The following SHOX variants were observed in gnomAD, a reference collection of about 807,000 sequenced individuals.
SHOX encodes SHOX homeobox.
In SHOX, 12 loss-of-function variants were observed where a neutral mutation model predicts 29.6. That is an observed-to-expected ratio of 0.41 (90% CI 0.26 to 0.66). SHOX has a LOEUF of 0.66. Among genes scored for constraint, SHOX ranks in the 30% least tolerant of loss-of-function variants. The pLI is 0.35. For synonymous variants in SHOX, 214 were observed against 200.6 expected (o/e 1.07, Z -0.57); for missense variants, 499 against 437.7 (o/e 1.14, Z -1.25).
downstream of SHOX, among the ~76,000 whole-genome samples, chrX:655,174 C>G (rs2053119767): frequency 6.6e-6 from 1 of 151,734 alleles, no homozygotes; most frequent in East Asian, 2.0e-4. Context: ...GTGGTGCCAT[C>G]TCAGCTCACT....
At chrX:629,634 C>G (rs2052612931), upstream of SHOX, among the ~76,000 whole-genome samples, 1 of 152,144 alleles carries the variant, frequency 6.6e-6, no homozygotes, top group South Asian at 2.1e-4. Flanking sequence ...TCATGTCCCC[C>G]CACTGCTGTG....
At chrX:655,107 G>A (rs1001427433), downstream of SHOX, among the ~76,000 whole-genome samples, 1 of 151,538 alleles carries the variant, frequency 6.6e-6, no homozygotes, top group African/African-American at 2.4e-5. Context: ...AATACAGGCA[G>A]AAACTTTTTT....
chrX:655,637 T>C (rs1168905747), downstream of SHOX, among the ~76,000 whole-genome samples: 3 of 106,332 alleles, frequency 2.8e-5, no homozygotes, highest in East Asian at 5.4e-4. Flanking sequence ...TATATATATA[T>C]ATATATATAT....
chrX:629,443 C>T (rs190374526), upstream of SHOX, among the ~76,000 whole-genome samples: 2 of 151,700 alleles, frequency 1.3e-5, no homozygotes, highest in East Asian at 3.9e-4. Context: ...TTCTCTGTCT[C>T]CATCCCTCTG....
At chrX:642,499 G>T (rs1224253176) in intron 4 of SHOX, among the ~76,000 whole-genome samples, 1 of 152,194 alleles carries the variant, frequency 6.6e-6, no homozygotes, top group Non-Finnish European at 1.5e-5. Context: ...AGCGCTGGTC[G>T]CCGCTAGCTC....
upstream of SHOX, among the ~76,000 whole-genome samples, chrX:629,622 A>C (rs1322119925): frequency 6.6e-6 from 1 of 151,424 alleles, no homozygotes; most frequent in Non-Finnish European, 1.5e-5. Context: ...ACCCACCGTC[A>C]CTCATGTCCC....
intron 2 of SHOX, among the ~76,000 whole-genome samples, chrX:636,970 A>ATATATATATATTT (rs1458275715): frequency 1.5e-5 from 2 of 137,328 alleles, no homozygotes; most frequent in Admixed American, 7.6e-5. Flanking sequence ...ATATATATAT[A>ATATATATATATTT]TTTTGGCTCC....
chrX:636,947 A>AAT lies in SHOX; in HGVS notation c.486+2144_486+2145dup, dbSNP rs909293156. On this transcript the variant is annotated intron_variant, in intron 2 of 4. Transcript: ENST00000686671. Reference sequence around the variant, plus strand: ...GGTTTTACGAGCTCTTTCATTTAAAAATATATATATATATATATATATATT... The same window carrying AAT: ...GGTTTTACGAGCTCTTTCATTTAAAAATATATATATATATATATATATATATT... 4.4e-3 allele frequency among the ~76,000 whole-genome samples: 346 copies of AAT among 78,908 alleles called. 11 individuals carry two copies. In the South Asian group the frequency reaches 0.1, roughly 23 times the overall value. The allele number at this position is 78,908 out of a possible 152,430, so 51.8% of individuals were successfully genotyped here.
At chrX:642,521 C>T (rs2052874031) in intron 4 of SHOX, among the ~76,000 whole-genome samples, 1 of 152,204 alleles carries the variant, frequency 6.6e-6, no homozygotes, top group Non-Finnish European at 1.5e-5. Context: ...CCAGCTCTCC[C>T]TGGCCCAGGC....
rs2052714956 is a variant in SHOX at position 634,820 on chromosome X, C to T, written c.480C>T (p.Arg160=). 1.9e-6 allele frequency: 3 copies of T among 1,567,222 alleles called. No homozygotes were observed. Among genetic ancestry groups the T allele is most frequent in the South Asian group, 2.3e-5 (2 of 85,922 alleles). The change falls in exon 2 of 5, where the codon CGC becomes CGT. Residue 160 remains arginine (R), a synonymous_variant. Transcript: ENST00000686671. ...AGCGCCTGGGGCTCTCCGAGGCGCG[C>T]GTGCAGGTAGGAACCCGGGGGCGGG... The part of the protein sequence containing the change: ...LSQRLGLSEA[R]VQVWFQNRRA...
downstream of SHOX, among the ~76,000 whole-genome samples, chrX:652,743 TTCTGGCCTGCGTGG>T (rs2053085264): frequency 4.6e-5 from 7 of 152,188 alleles, no homozygotes. Flanking sequence ...TCCTTTCCTT[TTCTGGCCTGCGTGG>T]TCTGAAGCTC....
intron 1 of SHOX, among the ~76,000 whole-genome samples, chrX:634,095 G>A (rs2052695646): frequency 1.3e-5 from 2 of 152,236 alleles, no homozygotes; most frequent in Non-Finnish European, 2.9e-5. Flanking sequence ...CTGCTGTTCT[G>A]CTGAGAAACA....
intron 2 of SHOX, 142 bp from the exon 3 acceptor site, chrX:640,679 A>G (rs777537048): frequency 1.2e-6 from 1 of 841,416 alleles, no homozygotes; most frequent in East Asian, 2.5e-5. Context: ...AGGGGCGGTA[A>G]GTGTCTGGGC....
At chrX:630,696 G>A (rs1206779385), upstream of SHOX, 3 of 651,642 alleles carry the variant, frequency 4.6e-6, no homozygotes, top group East Asian at 2.7e-5. Flanking sequence ...CGTCCGCCGC[G>A]GAGCCCGGAG....
intron 2 of SHOX, among the ~76,000 whole-genome samples, chrX:639,588 C>T (rs1371916907): frequency 6.6e-6 from 1 of 152,272 alleles, no homozygotes; most frequent in East Asian, 1.9e-4. Flanking sequence ...GGGGCGCCCA[C>T]ACAGAACGCT....
At chrX:657,837 T>C (rs1239836686) in intron 5 of SHOX, among the ~76,000 whole-genome samples, 1 of 152,204 alleles carries the variant, frequency 6.6e-6, no homozygotes, top group East Asian at 1.9e-4. Flanking sequence ...AAATGGGGTA[T>C]GACCACACAT....
chrX:631,906 A>C (rs1199345036), intron 1 of SHOX: 2 of 456,086 alleles, frequency 4.4e-6, no homozygotes, highest in South Asian at 3.1e-5. Context: ...CCAGACGCAC[A>C]GAGGAGCCGT....
upstream of SHOX, among the ~76,000 whole-genome samples, chrX:629,245 C>T (rs1464034737): frequency 2.0e-5 from 3 of 151,750 alleles, no homozygotes; most frequent in South Asian, 6.3e-4. Flanking sequence ...CTCCATCTCT[C>T]TCTGTCTCTC....
chrX:655,612 CTCTATATATATATATATATATATATA>C (rs1488646721), downstream of SHOX, among the ~76,000 whole-genome samples: 8 of 15,704 alleles, frequency 5.1e-4, no homozygotes, highest in East Asian at 8.0e-3. Context: ...CTCTCTCTCT[CTCTATATATATATATATATATATATA>C]TATATATATA....
Sources: gnomAD v4.1 joint callset for allele counts (sites outside exome capture counted in the v4.1 genomes callset) on GRCh38, gnomAD v4.1.1 for gene constraint, MANE v1.5 for transcripts, NCBI Gene and HGNC (gene_info 2026-07-23, HGNC 2026-07-21) for gene names.